The following DNAJB1 variants were observed in gnomAD, a reference collection of about 807,000 sequenced individuals.
DNAJB1 encodes the protein DnaJ heat shock protein family (Hsp40) member B1.
In DNAJB1, 14 loss-of-function variants were observed where a neutral mutation model predicts 24.0. That is an observed-to-expected ratio of 0.58 (90% CI 0.39 to 0.91). The LOEUF (loss-of-function observed/expected upper bound fraction) is 0.91, where lower values mean the gene tolerates loss of function less well. DNAJB1 is among the 40% of genes least tolerant of loss of function. The probability of loss-of-function intolerance (pLI) is 0.00; values close to 1 mark genes in which losing one functional copy is unlikely to be tolerated. For missense variants in DNAJB1, 517 were observed against 458.1 expected, an observed-to-expected ratio of 1.13 and a Z score of -1.17; for synonymous variants, 262 against 174.4, an observed-to-expected ratio of 1.50 and a Z score of -3.96.
chr19:14,519,201 C>G (rs762096154), upstream of DNAJB1, among the ~76,000 whole-genome samples: 1 of 152,148 alleles, frequency 6.6e-6, no homozygotes, highest in African/African-American at 2.4e-5. Context: ...AACCCCATCT[C>G]TGCTAAAAAT....
upstream of DNAJB1, among the ~76,000 whole-genome samples, chr19:14,520,312 T>G (rs1311053159): frequency 6.6e-6 from 1 of 152,150 alleles, no homozygotes; most frequent in East Asian, 1.9e-4. Flanking sequence ...CAGGGACTCC[T>G]GAAGAAGAAG....
chr19:14,542,374 T>TTTTTTTTTTTTTC (rs1469315066), intron 1 of DNAJB1, among the ~76,000 whole-genome samples: 1 of 117,182 alleles, frequency 8.5e-6, no homozygotes, highest in African/African-American at 3.3e-5. Flanking sequence ...TTTTTTTTTT[T>TTTTTTTTTTTTTC]TTCTGAGATG....
upstream of DNAJB1, among the ~76,000 whole-genome samples, chr19:14,533,420 C>G (rs549786827): frequency 2.9e-4 from 41 of 142,098 alleles, no homozygotes; most frequent in East Asian, 8.3e-3. Context: ...GACTCTGTCT[C>G]AAAAAAAAAA....
chr19:14,527,109 C>T (rs1317956456), intron 2 of DNAJB1, among the ~76,000 whole-genome samples: 1 of 147,548 alleles, frequency 6.8e-6, no homozygotes, highest in African/African-American at 2.5e-5. Context: ...GGGAGTGAGG[C>T]CTGTCATGAC....
At chr19:14,526,064 C>G (rs184075733) in intron 2 of DNAJB1, among the ~76,000 whole-genome samples, 1 of 152,154 alleles carries the variant, frequency 6.6e-6, no homozygotes, top group African/African-American at 2.4e-5. Flanking sequence ...TTGTGAGACA[C>G]GACATTACCA....
At chr19:14,548,741 C>T in intron 1 of DNAJB1, among the ~76,000 whole-genome samples, 1 of 152,068 alleles carries the variant, frequency 6.6e-6, no homozygotes. Flanking sequence ...CCACGTCTGG[C>T]TAATTTTTGT....
At chr19:14,533,250 G>A (rs1419910941), upstream of DNAJB1, among the ~76,000 whole-genome samples, 2 of 151,964 alleles carry the variant, frequency 1.3e-5, no homozygotes, top group African/African-American at 2.4e-5. Flanking sequence ...ATGAAACTCC[G>A]TCTCTACAAA....
intron 2 of DNAJB1, among the ~76,000 whole-genome samples, chr19:14,525,530 C>T (rs1599387154): frequency 6.6e-6 from 1 of 152,130 alleles, no homozygotes. Flanking sequence ...ACAGATGAAC[C>T]TCATATGCAT....
chr19:14,545,565 C>G (rs943264839), intron 1 of DNAJB1, among the ~76,000 whole-genome samples: 6 of 152,202 alleles, frequency 3.9e-5, no homozygotes, highest in Non-Finnish European at 8.8e-5. Flanking sequence ...GCCCTTGGAT[C>G]GCTGCCCGCA....
rs1166003283 is a variant in DNAJB1 at position 14,535,570 on chromosome 19, ATATATATATATATATATATG to A, written c.-213-7780_-213-7761del. Among the ~76,000 whole-genome samples, 182 of 20,474 alleles carry A rather than the reference ATATATATATATATATATATG, an allele frequency of 8.9e-3. 7 individuals carry two copies. The highest frequency in any genetic ancestry group is 0.02 in the African/African-American group (167 of 8,288). The allele number at this position is 20,474 out of a possible 152,430, so 13.4% of individuals were successfully genotyped here. On this transcript the variant is annotated intron_variant, in intron 1 of 3. Transcript: ENST00000676982. ...TATATATATATATATATATATATAT[ATATATATATATATATATATG>A]TATGTATATATAAATTAGCCAGGCA...
chr19:14,549,617 G>A (rs534365998), intron 1 of DNAJB1, among the ~76,000 whole-genome samples: 12 of 151,942 alleles, frequency 7.9e-5, no homozygotes, highest in East Asian at 2.0e-4. Context: ...ATGAGCCAGC[G>A]TACCTGACCT....
upstream of DNAJB1, chr19:14,518,491 GC>G: frequency 1.9e-6 from 1 of 528,566 alleles, no homozygotes; most frequent in East Asian, 3.6e-5. Context: ...GCCCGCCCCC[GC>G]GGCGCCGGCC....
At chr19:14,543,677 A>T (rs537410550) in intron 1 of DNAJB1, among the ~76,000 whole-genome samples, 11 of 148,664 alleles carry the variant, frequency 7.4e-5, no homozygotes, top group African/African-American at 2.7e-4. Context: ...TGACCTCGTG[A>T]TCCTCCCGCC....
upstream of DNAJB1, among the ~76,000 whole-genome samples, chr19:14,521,246 G>T (rs977790819): frequency 1.3e-5 from 2 of 151,940 alleles, no homozygotes; most frequent in African/African-American, 4.8e-5. Flanking sequence ...ATCACCTGAG[G>T]TCAGGAGTTC....
intron 2 of DNAJB1, 72 bp from the exon 3 acceptor site, chr19:14,516,242 G>T: frequency 6.5e-7 from 1 of 1,529,226 alleles, no homozygotes; most frequent in Non-Finnish European, 8.9e-7. Flanking sequence ...GAGGCCGTCT[G>T]CCATAGATAA....
intron 1 of DNAJB1, 197 bp downstream of exon 1, chr19:14,517,942 G>A: frequency 2.0e-6 from 1 of 497,690 alleles, no homozygotes; most frequent in Non-Finnish European, 3.3e-6. Context: ...GCTTCTGGCC[G>A]AGCGGCTGGG....
chr19:14,549,362 G>GCA (rs2073415457), intron 1 of DNAJB1, among the ~76,000 whole-genome samples: 1 of 151,850 alleles, frequency 6.6e-6, no homozygotes, highest in African/African-American at 2.4e-5. Context: ...ACAGGCATGC[G>GCA]CCACCATGCC....
chr19:14,517,157 G>C (rs1193610852), intron 1 of DNAJB1, 111 bp from the exon 2 acceptor site: 5 of 1,154,950 alleles, frequency 4.3e-6, no homozygotes, highest in Non-Finnish European at 6.0e-6. Flanking sequence ...TTTTTTGTCT[G>C]TCAGGGGAGA....
At chr19:14,516,326 C>A in intron 2 of DNAJB1, 140 bp downstream of exon 2, 1 of 1,250,180 alleles carries the variant, frequency 8.0e-7, no homozygotes, top group Non-Finnish European at 1.1e-6. Flanking sequence ...TCCACAACAG[C>A]GCCCTGGTCA....
Sources: gnomAD v4.1 joint callset for allele counts (sites outside exome capture counted in the v4.1 genomes callset) on GRCh38, gnomAD v4.1.1 for gene constraint, MANE v1.5 for transcripts, NCBI Gene and HGNC (gene_info 2026-07-23, HGNC 2026-07-21) for gene names.